Variants in LUC7L2 observed in about 807,000 individuals in gnomAD.
The protein encoded by LUC7L2 is putative RNA-binding protein Luc7-like 2.
In LUC7L2, 25 loss-of-function variants were observed where a neutral mutation model predicts 52.8. The ratio of observed to expected loss-of-function variants is 0.47; its 90% CI spans 0.34 to 0.66. LUC7L2 has a LOEUF of 0.66. LUC7L2 is among the 30% of genes least tolerant of loss of function. The pLI, the probability that LUC7L2 is intolerant of heterozygous loss-of-function variation, is 0.01. For missense variants in LUC7L2, 328 were observed against 497.8 expected (o/e 0.66, Z 3.25); for synonymous variants, 144 against 160.9 (o/e 0.89, Z 0.80).
chr7:139,375,294 G>T (rs892627325), intron 1 of LUC7L2: 2 of 985,226 alleles, frequency 2.0e-6, no homozygotes, highest in Non-Finnish European at 2.4e-6. Context: ...TAGGTGTATT[G>T]TGTTATATGA....
intron 4 of LUC7L2, among the ~76,000 whole-genome samples, chr7:139,404,472 GCA>G (rs1413417246): frequency 6.6e-6 from 1 of 152,158 alleles, no homozygotes; most frequent in Admixed American, 6.5e-5. Flanking sequence ...TCATGGCACT[GCA>G]CTCCAGCCTG....
upstream of LUC7L2, among the ~76,000 whole-genome samples, chr7:139,355,675 T>A (rs546411264): frequency 5.9e-5 from 9 of 152,244 alleles, no homozygotes; most frequent in African/African-American, 2.2e-4. Context: ...ACTATAAAAT[T>A]TGTCAGAAAA....
intron 8 of LUC7L2, among the ~76,000 whole-genome samples, chr7:139,414,601 T>G (rs1447197355): frequency 6.6e-6 from 1 of 152,240 alleles, no homozygotes; most frequent in Non-Finnish European, 1.5e-5. Flanking sequence ...GTTTGAATGA[T>G]AAAGTACCTG....
chr7:139,383,728 T>TTTTTTTTTC (rs1276976403), intron 2 of LUC7L2, among the ~76,000 whole-genome samples: 1 of 150,676 alleles, frequency 6.6e-6, no homozygotes, highest in African/African-American at 2.5e-5. Context: ...GATGTCTTTT[T>TTTTTTTTTC]TTTTTTCTTT....
intron 1 of LUC7L2, among the ~76,000 whole-genome samples, chr7:139,369,142 C>CCTT (rs1224494099): frequency 6.6e-6 from 1 of 152,012 alleles, no homozygotes; most frequent in East Asian, 1.9e-4. Flanking sequence ...GCTTGATAGC[C>CCTT]AAAGATAGCT....
chr7:139,353,810 CAAAG>C (rs1306850765), intron 1 of LUC7L2, among the ~76,000 whole-genome samples: 4 of 150,070 alleles, frequency 2.7e-5, no homozygotes, highest in South Asian at 4.2e-4. Context: ...CCAAAAAAAA[CAAAG>C]AAACAAAAAA....
intron 6 of LUC7L2, among the ~76,000 whole-genome samples, chr7:139,408,610 A>AAGGCGGGCGGATCACAAGGTC (rs1174761396): frequency 6.6e-6 from 1 of 152,108 alleles, no homozygotes; most frequent in African/African-American, 2.4e-5. Flanking sequence ...TTGGGAGGCC[A>AAGGCGGGCGGATCACAAGGTC]AGGCGGGCGG....
chr7:139,366,548 C>A (rs894774230), intron 1 of LUC7L2, among the ~76,000 whole-genome samples: 2 of 152,136 alleles, frequency 1.3e-5, no homozygotes, highest in African/African-American at 4.8e-5. Flanking sequence ...ACTATGGCCT[C>A]CTGCTTTTGG....
chr7:139,405,555 C>T (rs1795082892), intron 4 of LUC7L2, 89 bp from the exon 5 acceptor site: 2 of 1,440,384 alleles, frequency 1.4e-6, no homozygotes, highest in South Asian at 3.0e-5. Context: ...CCTTAGATAA[C>T]AAGTTTTTTC....
intron 1 of LUC7L2, among the ~76,000 whole-genome samples, chr7:139,343,804 G>A (rs1023697046): frequency 2.0e-5 from 3 of 151,666 alleles, no homozygotes; most frequent in Admixed American, 2.0e-4. Context: ...ATATGGTGGT[G>A]TGCGTCTGTA....
chr7:139,360,867 A>G (rs896607475), intron 1 of LUC7L2, among the ~76,000 whole-genome samples: 9 of 152,204 alleles, frequency 5.9e-5, no homozygotes, highest in African/African-American at 2.2e-4. Flanking sequence ...ATCTGACCCA[A>G]ACCATGGTTT....
intron 5 of LUC7L2, among the ~76,000 whole-genome samples, chr7:139,406,581 T>C (rs1795124623): frequency 6.6e-6 from 1 of 151,844 alleles, no homozygotes; most frequent in South Asian, 2.1e-4. Context: ...CTTGAACTCC[T>C]GACCTGGGGT....
At chr7:139,376,301 T>G in intron 2 of LUC7L2, 145 bp downstream of exon 2, 1 of 840,182 alleles carries the variant, frequency 1.2e-6, no homozygotes, top group Non-Finnish European at 1.8e-6. Context: ...GATGATTACT[T>G]AAATCTTCAG....
intron 1 of LUC7L2, chr7:139,341,135 A>T (rs1471803344): frequency 2.2e-6 from 1 of 449,422 alleles, no homozygotes; most frequent in African/African-American, 2.0e-5. Flanking sequence ...GTTTCCCCAA[A>T]CCCTTGTTCT....
intron 1 of LUC7L2, among the ~76,000 whole-genome samples, chr7:139,371,102 C>G (rs1050396663): frequency 6.6e-6 from 1 of 152,168 alleles, no homozygotes; most frequent in Admixed American, 6.5e-5. Flanking sequence ...CAGTTGCCAC[C>G]CTAGAGAATG....
intron 6 of LUC7L2, among the ~76,000 whole-genome samples, chr7:139,409,234 G>A (rs1253920399): frequency 6.6e-6 from 1 of 151,570 alleles, no homozygotes; most frequent in East Asian, 1.9e-4. Context: ...TGGAGCCCAG[G>A]AGTTGTAGAC....
At chr7:139,364,557 ATAT>A (rs1338503835) in intron 1 of LUC7L2, among the ~76,000 whole-genome samples, 1 of 152,220 alleles carries the variant, frequency 6.6e-6, no homozygotes, top group Non-Finnish European at 1.5e-5. Context: ...ATTAATCATA[ATAT>A]TTTTGCTGAT....
At chr7:139,350,353 C>T (rs1250707913) in intron 1 of LUC7L2, among the ~76,000 whole-genome samples, 1 of 152,132 alleles carries the variant, frequency 6.6e-6, no homozygotes, top group African/African-American at 2.4e-5. Flanking sequence ...CATCTCCTGA[C>T]CTCATGATCC....
At chr7:139,341,464 G>A (rs1395017635) in intron 1 of LUC7L2, 2 of 1,613,546 alleles carry the variant, frequency 1.2e-6, no homozygotes, top group African/African-American at 1.3e-5. Context: ...GCCACCGGCC[G>A]ACCCTATCGC....
Sources: gnomAD v4.1 joint callset for allele counts (sites outside exome capture counted in the v4.1 genomes callset) on GRCh38, gnomAD v4.1.1 for gene constraint, MANE v1.5 for transcripts, NCBI Gene and HGNC (gene_info 2026-07-23, HGNC 2026-07-21) for gene names.